Variants in DIP2C observed in about 807,000 individuals in gnomAD.
The protein encoded by DIP2C is DIP2 acetate--CoA ligase C (putative).
A neutral mutation model predicts 192.4 loss-of-function variants in DIP2C; 33 were observed. The ratio of observed to expected loss-of-function variants is 0.17; its 90% confidence interval spans 0.13 to 0.23. DIP2C has a LOEUF of 0.23. DIP2C is among the 10% of genes least tolerant of loss of function. The pLI, the probability that DIP2C is intolerant of heterozygous loss-of-function variation, is 1.00. For synonymous variants in DIP2C, 979 were observed against 864.1 expected, an observed-to-expected ratio of 1.13 and a Z score of -2.33; for missense variants, 1,537 against 2,110.1, an observed-to-expected ratio of 0.73 and a Z score of 5.32.
chr10:311,595 AGAGAG>A (rs775393376), intron 31 of DIP2C: 11 of 1,232,338 alleles, frequency 8.9e-6, no homozygotes, highest in East Asian at 3.2e-5. Flanking sequence ...GAGGACGAGA[AGAGAG>A]GAGAGAACAC....
chr10:467,469 T>C (rs1432581097), intron 3 of DIP2C, among the ~76,000 whole-genome samples: 2 of 145,904 alleles, frequency 1.4e-5, no homozygotes, highest in African/African-American at 2.5e-5. Flanking sequence ...CAGCATGGCA[T>C]ATGTATACAT....
intron 1 of DIP2C, among the ~76,000 whole-genome samples, chr10:595,979 G>A (rs534670217): frequency 6.6e-6 from 1 of 152,282 alleles, no homozygotes; most frequent in South Asian, 2.1e-4. Flanking sequence ...CTGCTATGGT[G>A]AATGGAAAAC....
At chr10:301,452 TG>T (rs1173759700) in intron 32 of DIP2C, among the ~76,000 whole-genome samples, 2 of 151,958 alleles carry the variant, frequency 1.3e-5, no homozygotes, top group African/African-American at 2.4e-5. Flanking sequence ...CGGGTCACAG[TG>T]GGTGGGAACT....
chr10:552,530 C>T (rs527916015), intron 1 of DIP2C, among the ~76,000 whole-genome samples: 1 of 152,328 alleles, frequency 6.6e-6, no homozygotes, highest in South Asian at 2.1e-4. Flanking sequence ...CAGTCTATTT[C>T]ATTCCTCAAA....
intron 1 of DIP2C, among the ~76,000 whole-genome samples, chr10:662,310 C>T (rs1458917047): frequency 6.6e-6 from 1 of 152,230 alleles, no homozygotes; most frequent in Non-Finnish European, 1.5e-5. Flanking sequence ...TTGGAGAACA[C>T]TTGCTTGATA....
At chr10:437,293 G>A (rs1234526730) in intron 4 of DIP2C, among the ~76,000 whole-genome samples, 2 of 144,376 alleles carry the variant, frequency 1.4e-5, no homozygotes, top group Non-Finnish European at 3.0e-5. Context: ...AGGGTGATAT[G>A]CTCCACCCAC....
chr10:561,786 G>A (rs1212540936), intron 1 of DIP2C, among the ~76,000 whole-genome samples: 2 of 150,328 alleles, frequency 1.3e-5, no homozygotes, highest in African/African-American at 5.0e-5. Flanking sequence ...ACAAAACTCA[G>A]TGTTTTCGCC....
intron 1 of DIP2C, among the ~76,000 whole-genome samples, chr10:553,144 C>G (rs570912089): frequency 2.6e-5 from 4 of 152,360 alleles, no homozygotes; most frequent in Admixed American, 2.6e-4. Context: ...AAGAGCCAGG[C>G]CAGGCAGCAT....
Position 685,135 on chromosome 10 carries a change from C to CA in DIP2C, c.85+4358dup, listed in dbSNP as rs140709069. 4.1e-4 allele frequency among the ~76,000 whole-genome samples: 30 copies of CA among 72,962 alleles called. 2 individuals are homozygous for CA. Among genetic ancestry groups the CA allele is most frequent in the African/African-American group, 2.1e-3 (29 of 13,888 alleles). 47.9% of individuals were successfully genotyped at this position (72,962 alleles called of 152,430 possible). A position where few individuals can be genotyped will look rare whatever the true frequency, so the allele number is the denominator to read the frequency against. On this transcript the variant is annotated intron_variant, in intron 1 of 36. Transcript: ENST00000280886. ...GGCAACAAGAGTGAAACTTGGTCCCCAAAAAAAAAAAAAAAAAAAAAAAAA... is the reference window on the plus strand; with the variant it reads ...GGCAACAAGAGTGAAACTTGGTCCCCAAAAAAAAAAAAAAAAAAAAAAAAAA...
At chr10:378,438 C>T (rs1285889961) in intron 17 of DIP2C, among the ~76,000 whole-genome samples, 2 of 152,196 alleles carry the variant, frequency 1.3e-5, no homozygotes, top group Non-Finnish European at 2.9e-5. Context: ...AACAGGCATG[C>T]ATAAAGACAC....
chr10:467,916 A>T (rs1459896803), intron 3 of DIP2C, among the ~76,000 whole-genome samples: 1 of 152,184 alleles, frequency 6.6e-6, no homozygotes, highest in Non-Finnish European at 1.5e-5. Flanking sequence ...ACAAACCTGC[A>T]TGTTCTGCAC....
chr10:580,808 CAA>C (rs1383345639), intron 1 of DIP2C, among the ~76,000 whole-genome samples: 2 of 152,142 alleles, frequency 1.3e-5, no homozygotes, highest in Admixed American at 1.3e-4. Flanking sequence ...AAGCTAGTGA[CAA>C]AAACACAGTG....
At chr10:419,365 AG>A (rs1564689042) in intron 5 of DIP2C, among the ~76,000 whole-genome samples, 166 bp from the exon 6 acceptor site, 1 of 152,252 alleles carries the variant, frequency 6.6e-6, no homozygotes. Flanking sequence ...TCCAGCACAA[AG>A]GGGGACCCCA....
intron 3 of DIP2C, among the ~76,000 whole-genome samples, chr10:454,745 C>T (rs1165110604): frequency 8.7e-5 from 13 of 149,518 alleles, no homozygotes; most frequent in Non-Finnish European, 1.3e-4. Context: ...AGTATACAAA[C>T]GCACCCTCTA....
chr10:590,879 G>C (rs1851362173), intron 1 of DIP2C, among the ~76,000 whole-genome samples: 2 of 152,202 alleles, frequency 1.3e-5, no homozygotes, highest in African/African-American at 2.4e-5. Flanking sequence ...CAGGAGTCCA[G>C]GAGCAGTGAC....
In DIP2C at chr10:537,558, GCCC is replaced by G. The variant is rs561807032; in HGVS notation, c.86-51031_86-51029del. Among the ~76,000 whole-genome samples the G allele has an allele frequency of 1.7e-4, 25 of 148,478 alleles. No homozygotes were observed. In the South Asian group the frequency reaches 2.6e-3, roughly 15 times the overall value. On this transcript the variant is annotated intron_variant, in intron 1 of 36. Transcript: ENST00000280886. The stretch of plus-strand genomic sequence containing the variant: ...TTGTCCCCAGGGCACCCAGCATCCT[GCCC>G]CCCGTCCCCCTCCCCCGCACACTTG...
At chr10:495,259 C>T (rs1178046987) in intron 1 of DIP2C, among the ~76,000 whole-genome samples, 6 of 152,100 alleles carry the variant, frequency 3.9e-5, no homozygotes, top group African/African-American at 1.4e-4. Flanking sequence ...AGGGCACACA[C>T]TTCAAGAAAA....
At chr10:653,117 T>TAA (rs1276064660) in intron 1 of DIP2C, among the ~76,000 whole-genome samples, 1 of 143,480 alleles carries the variant, frequency 7.0e-6, no homozygotes, top group Admixed American at 7.0e-5. Flanking sequence ...TGTACTGCCT[T>TAA]AAAAAAAAAA....
intron 1 of DIP2C, among the ~76,000 whole-genome samples, chr10:589,843 T>G (rs1851298769): frequency 6.6e-6 from 1 of 152,190 alleles, no homozygotes; most frequent in Non-Finnish European, 1.5e-5. Flanking sequence ...AGGCAATTCA[T>G]TTCAAGGTAG....
Sources: allele counts gnomAD v4.1 joint callset (sites outside exome capture counted in the v4.1 genomes callset), GRCh38; gene constraint gnomAD v4.1.1; transcripts MANE v1.5; gene names NCBI Gene and HGNC (gene_info 2026-07-23, HGNC 2026-07-21).